Variants in PHACTR2 observed in about 807,000 individuals in gnomAD.
The protein encoded by PHACTR2 is chromosome 6 open reading frame 56.
In PHACTR2, 30 loss-of-function variants were observed where a neutral mutation model predicts 76.0. That is an observed-to-expected ratio of 0.39 (90% CI 0.30 to 0.54). The LOEUF is 0.54. Ranked by LOEUF, PHACTR2 falls within the 20% of genes least tolerant of loss-of-function variation. PHACTR2 has a pLI of 0.61. For synonymous variants in PHACTR2, 292 were observed against 292.5 expected (o/e 1.00, Z 0.02); for missense variants, 696 against 781.1 (o/e 0.89, Z 1.30).
At chr6:143,666,109 T>C (rs946510588) in intron 1 of PHACTR2, among the ~76,000 whole-genome samples, 2 of 151,808 alleles carry the variant, frequency 1.3e-5, no homozygotes, top group African/African-American at 2.4e-5. Flanking sequence ...CTCCCACTTA[T>C]GAGTGAGAAC....
At chr6:143,604,833 A>G (rs1353148309), upstream of PHACTR2, among the ~76,000 whole-genome samples, 1 of 151,222 alleles carries the variant, frequency 6.6e-6, no homozygotes, top group Non-Finnish European at 1.5e-5. Context: ...TGGAGGTTGC[A>G]GTGAACCAAG....
chr6:143,747,908 A>C (rs748512542), intron 2 of PHACTR2, among the ~76,000 whole-genome samples: 5 of 152,172 alleles, frequency 3.3e-5, no homozygotes, highest in African/African-American at 4.8e-5. Flanking sequence ...CACAGGATTT[A>C]ATACTATACA....
In PHACTR2 at chr6:143,800,029, A is replaced by T. The variant is rs1419201261; in HGVS notation, c.1846-7028A>T. On this transcript the variant is annotated intron_variant, in intron 11 of 12. Transcript: ENST00000440869. The surrounding 1 kb of genome is among the most constrained non-coding windows in gnomAD (Gnocchi z 4.8). ...GTGTGGGAGTCTAAGTTTCTTTGTAAGTCTCTAAGAACTTGCTTTATGAAT... is the reference window on the plus strand; with the variant it reads ...GTGTGGGAGTCTAAGTTTCTTTGTATGTCTCTAAGAACTTGCTTTATGAAT... Among the ~76,000 whole-genome samples the T allele has an allele frequency of 6.6e-6, 1 of 152,090 alleles. No individual in the cohort carries two copies. The highest frequency in any genetic ancestry group is 1.5e-5 in the Non-Finnish European group (1 of 67,996).
rs1776156534 is a variant in PHACTR2, at chr6:143,621,643, G to C, written c.13+13321G>C. Among the ~76,000 whole-genome samples, 1 of 152,194 alleles carries C rather than the reference G, an allele frequency of 6.6e-6. No individual in the cohort carries two copies. Among genetic ancestry groups the C allele is most frequent in the Admixed American group, 6.5e-5 (1 of 15,280 alleles). On this transcript the variant is annotated intron_variant, in intron 1 of 11. Transcript: ENST00000305766. The surrounding 1 kb of genome is among the most constrained non-coding windows in gnomAD (Gnocchi z 4.1). The stretch of plus-strand genomic sequence containing the variant: ...TTGTAAAAGAAGAATGCAGTTCCTG[G>C]CTGAGCCTGTTCTACCTGCTGGTAT...
Position 143,570,726 on chromosome 6 carries a change from G to A in PHACTR2, c.217+33519G>A, listed in dbSNP as rs140267112. Among the ~76,000 whole-genome samples the A allele has an allele frequency of 1.8e-3, 277 of 152,266 alleles. 1 individual carries two copies. Among genetic ancestry groups the A allele is most frequent in the African/African-American group, 6.0e-3 (248 of 41,542 alleles). Reference sequence around the variant, plus strand: ...ACAGCAGCCATGGCCAGCGTGAGGTGCATGTGCAAGTGGAGAAGTAGCAGG... The same window carrying A: ...ACAGCAGCCATGGCCAGCGTGAGGTACATGTGCAAGTGGAGAAGTAGCAGG... On this transcript the variant is annotated intron_variant, in intron 1 of 11. Transcript: ENST00000367584. The surrounding 1 kb of genome is among the most constrained non-coding windows in gnomAD (Gnocchi z 4.6).
rs535006174 is a variant in PHACTR2, at chr6:143,587,873, C to T, written c.217+50666C>T. Among the ~76,000 whole-genome samples, 355 of 151,938 alleles carry T rather than the reference C, an allele frequency of 2.3e-3. 1 individual carries two copies. Among genetic ancestry groups the T allele is most frequent in the Non-Finnish European group, 3.9e-3 (262 of 67,946 alleles). ...TACTAAAAATACAAAATTAGCCAGGCGTGATGGCACATGCCTGTAATCCCA... is the reference window on the plus strand; with the variant it reads ...TACTAAAAATACAAAATTAGCCAGGTGTGATGGCACATGCCTGTAATCCCA... On this transcript the variant is annotated intron_variant, in intron 1 of 11. Coordinates refer to the PHACTR2 transcript ENST00000367584.
chr6:143,817,357 T>C (rs943880688), intron 12 of PHACTR2, among the ~76,000 whole-genome samples: 1 of 152,222 alleles, frequency 6.6e-6, no homozygotes, highest in African/African-American at 2.4e-5. Flanking sequence ...CTTAGAAAGA[T>C]AGGCCTTTGG....
rs1778979721 is a variant in PHACTR2 at position 143,743,068 on chromosome 6, T to C, written c.215-5917T>C. 6.6e-6 allele frequency among the ~76,000 whole-genome samples: 1 copy of C among 152,216 alleles called. No homozygotes were observed. The highest frequency in any genetic ancestry group is 1.5e-5 in the Non-Finnish European group (1 of 68,026). On this transcript the variant is annotated intron_variant, in intron 2 of 12. Coordinates refer to ENST00000440869, the MANE Select transcript of PHACTR2 (RefSeq NM_001100164.2). This position sits in a 1 kb window ranked among gnomAD's most constrained non-coding sequence, Gnocchi z 5.0. ...GGACGCTGAGGCACAGAGAAGTTGG[T>C]TGAAAGTGCTTTTGGAACACAAAGT...
At chr6:143,703,324 T>C (rs1777960278) in intron 1 of PHACTR2, among the ~76,000 whole-genome samples, 1 of 152,164 alleles carries the variant, frequency 6.6e-6, no homozygotes, top group Admixed American at 6.5e-5. Flanking sequence ...TGAATGTGAT[T>C]GTGAGTGCAA....
chr6:143,702,193 C>T (rs568592727), intron 1 of PHACTR2, among the ~76,000 whole-genome samples: 9 of 150,022 alleles, frequency 6.0e-5, no homozygotes, highest in Admixed American at 2.7e-4. Context: ...CTGCAACCTC[C>T]GCCTTCCTGG....
intron 1 of PHACTR2, among the ~76,000 whole-genome samples, chr6:143,632,268 T>C (rs1274829415): frequency 6.6e-6 from 1 of 152,194 alleles, no homozygotes; most frequent in Non-Finnish European, 1.5e-5. Context: ...TTTAGACTGC[T>C]TCTATTTGGG....
In PHACTR2 at chr6:143,671,349, T is replaced by C. The variant is rs1436515605; in HGVS notation, c.14-40667T>C. On this transcript the variant is annotated intron_variant, in intron 1 of 11. Coordinates refer to the PHACTR2 transcript ENST00000305766. The surrounding 1 kb of genome is among the most constrained non-coding windows in gnomAD (Gnocchi z 4.6). ...ATTTCCCCTGGATTCCTCAAACATA[T>C]GCCATGCTCCTGTCTTTATATTAAC... Among the ~76,000 whole-genome samples, 1 of 152,146 alleles carries C rather than the reference T, an allele frequency of 6.6e-6. No individual in the cohort carries two copies. Among genetic ancestry groups the C allele is most frequent in the Admixed American group, 6.5e-5 (1 of 15,274 alleles).
In PHACTR2 at chr6:143,592,725, T is replaced by C. The variant is rs905550071; in HGVS notation, c.217+55518T>C. 1.3e-5 allele frequency among the ~76,000 whole-genome samples: 2 copies of C among 152,152 alleles called. No homozygotes were observed. Among genetic ancestry groups the C allele is most frequent in the African/African-American group, 4.8e-5 (2 of 41,436 alleles). ...CCCAGTTCATTCCATATTCATTGTCTACATTACACAAATTAGCTATTGTTA... is the reference window on the plus strand; with the variant it reads ...CCCAGTTCATTCCATATTCATTGTCCACATTACACAAATTAGCTATTGTTA... On this transcript the variant is annotated intron_variant, in intron 1 of 11. Transcript: ENST00000367584. The surrounding 1 kb of genome is among the most constrained non-coding windows in gnomAD (Gnocchi z 4.0).
At chr6:143,759,785 TAGA>T (rs1317074217) in intron 4 of PHACTR2, among the ~76,000 whole-genome samples, 2 of 152,124 alleles carry the variant, frequency 1.3e-5, no homozygotes, top group African/African-American at 4.8e-5. Context: ...ATTTTGCTAG[TAGA>T]AGATGATTCA....
In PHACTR2 at chr6:143,751,591, C is replaced by A. The variant is rs73581815; in HGVS notation, c.296-2163C>A. On this transcript the variant is annotated intron_variant, in intron 3 of 12. Coordinates refer to ENST00000440869, the MANE Select transcript of PHACTR2 (RefSeq NM_001100164.2). This position sits in a 1 kb window ranked among gnomAD's most constrained non-coding sequence, Gnocchi z 5.7. ...ACCTGTTTACTAGAAGGAGGTGACC[C>A]CCTTCAAACACCCTCGTGTTCCTTA... Among the ~76,000 whole-genome samples the A allele has an allele frequency of 2.4e-3, 371 of 152,228 alleles. No individual in the cohort carries two copies. Among genetic ancestry groups the A allele is most frequent in the African/African-American group, 8.3e-3 (346 of 41,530 alleles).
chr6:143,632,216 C>T (rs564969466), intron 1 of PHACTR2, among the ~76,000 whole-genome samples: 26 of 152,176 alleles, frequency 1.7e-4, no homozygotes, highest in Non-Finnish European at 3.7e-4. Flanking sequence ...CTCAAACTCA[C>T]CTAGGGAAGG....
chr6:143,760,709 T>C lies in PHACTR2; in HGVS notation c.694+69T>C. 1 of 1,550,266 alleles carries C rather than the reference T, an allele frequency of 6.5e-7. No homozygotes were observed. The highest frequency in any genetic ancestry group is 1.9e-4 in the Middle Eastern group (1 of 5,342). On this transcript the variant is annotated intron_variant, in intron 5 of 12. Coordinates refer to ENST00000440869, the MANE Select transcript of PHACTR2 (RefSeq NM_001100164.2). This position sits in a 1 kb window ranked among gnomAD's most constrained non-coding sequence, Gnocchi z 6.4. ...TTGGCTCTGGGATGGGGCTAATTGT[T>C]TCTTCTAGGTGTGATGGGCTTTTGG... is the stretch of plus-strand genomic sequence containing the variant.
chr6:143,757,640 C>G lies in PHACTR2; in HGVS notation c.455-2761C>G, dbSNP rs1562295485. Among the ~76,000 whole-genome samples, 1 of 152,128 alleles carries G rather than the reference C, an allele frequency of 6.6e-6. No homozygotes were observed. The highest frequency in any genetic ancestry group is 1.5e-5 in the Non-Finnish European group (1 of 68,026). ...TATCAAGCCAGAATGACGAGGCAGC[C>G]CTTTCTCAACCTTCTCTTGAAGTGA... is the stretch of plus-strand genomic sequence containing the variant. On this transcript the variant is annotated intron_variant, in intron 4 of 12. Coordinates refer to ENST00000440869, the MANE Select transcript of PHACTR2 (RefSeq NM_001100164.2). This position sits in a 1 kb window ranked among gnomAD's most constrained non-coding sequence, Gnocchi z 4.2.
rs1776057345 is a variant in PHACTR2 at position 143,616,201 on chromosome 6, AT to A, written c.13+7885del. On this transcript the variant is annotated intron_variant, in intron 1 of 11. Transcript: ENST00000305766. The surrounding 1 kb of genome is among the most constrained non-coding windows in gnomAD (Gnocchi z 4.9). ...TTTTGAATTTTTTTCACATAAACCA[AT>A]TTTTTCCAAATATTTAATCTTCTAA... is the stretch of plus-strand genomic sequence containing the variant. 6.6e-6 allele frequency among the ~76,000 whole-genome samples: 1 copy of A among 152,088 alleles called. No homozygotes were observed. Among genetic ancestry groups the A allele is most frequent in the South Asian group, 2.1e-4 (1 of 4,826 alleles).
Sources: gnomAD v4.1 joint callset for allele counts (sites outside exome capture counted in the v4.1 genomes callset) on GRCh38, gnomAD v4.1.1 for gene constraint, Gnocchi (gnomAD v3.1) non-coding constraint, MANE v1.5 for transcripts, NCBI Gene and HGNC (gene_info 2026-07-23, HGNC 2026-07-21) for gene names.